Variants in INSYN2B observed in about 807,000 individuals in gnomAD.
INSYN2B encodes the protein protein INSYN2B.
Under a neutral mutation model 41.2 loss-of-function variants are expected in INSYN2B, and 16 were observed. The observed-to-expected ratio is 0.39, with a 90% CI of 0.26 to 0.59. INSYN2B has a LOEUF of 0.59. Among genes scored for constraint, INSYN2B ranks in the 20% least tolerant of loss-of-function variants. INSYN2B has a pLI of 0.57. For synonymous variants in INSYN2B, 245 were observed against 244.4 expected, an observed-to-expected ratio of 1.00 and a Z score of -0.02; for missense variants, 608 against 646.4, an observed-to-expected ratio of 0.94 and a Z score of 0.64.
At chr5:169,898,452 A>T (rs1252696894) in intron 1 of INSYN2B, among the ~76,000 whole-genome samples, 2 of 152,104 alleles carry the variant, frequency 1.3e-5, no homozygotes, top group Non-Finnish European at 2.9e-5. Flanking sequence ...AGGATGTTTC[A>T]ACTCTTTGAG....
At chr5:169,961,736 G>A (rs1371033719) in intron 1 of INSYN2B, among the ~76,000 whole-genome samples, 1 of 152,090 alleles carries the variant, frequency 6.6e-6, no homozygotes, top group Non-Finnish European at 1.5e-5. Flanking sequence ...CCAGCACTTT[G>A]GGAGGCCGAG....
At chr5:169,950,353 T>C (rs1216773717) in intron 1 of INSYN2B, among the ~76,000 whole-genome samples, 1 of 152,246 alleles carries the variant, frequency 6.6e-6, no homozygotes, top group Non-Finnish European at 1.5e-5. Context: ...AAGCGCTTAG[T>C]GTCTAGCATT....
rs1771312202 is a variant in INSYN2B at position 169,863,180 on chromosome 5, A to G, written c.*1093T>C. ...ATAACTCAGACTTTGGGATGGAAAG[A>G]TATTTAAACCTCAAATAGAAAAAAC... is the stretch of plus-strand genomic sequence containing the variant. On this transcript the variant is annotated 3_prime_UTR_variant, in exon 4 of 4. Transcript: ENST00000377365. Among the ~76,000 whole-genome samples the G allele has an allele frequency of 1.3e-5, 2 of 152,226 alleles. No individual in the cohort carries two copies. Among genetic ancestry groups the G allele is most frequent in the African/African-American group, 4.8e-5 (2 of 41,468 alleles).
At chr5:169,906,099 A>C (rs1774260205) in intron 1 of INSYN2B, among the ~76,000 whole-genome samples, 2 of 152,236 alleles carry the variant, frequency 1.3e-5, no homozygotes, top group East Asian at 3.8e-4. Context: ...ACTAAGAGTT[A>C]CCAAACGGTC....
At chr5:169,893,455 C>T (rs1581371798) in intron 1 of INSYN2B, among the ~76,000 whole-genome samples, 1 of 147,808 alleles carries the variant, frequency 6.8e-6, no homozygotes, top group Admixed American at 6.8e-5. Context: ...TTTTTCACTA[C>T]ATAACTGGGG....
At chr5:169,959,531 G>C (rs113346818) in intron 1 of INSYN2B, among the ~76,000 whole-genome samples, 12 of 152,282 alleles carry the variant, frequency 7.9e-5, no homozygotes, top group African/African-American at 2.9e-4. Flanking sequence ...AGTCCACAGG[G>C]TGATGGAATT....
At chr5:169,973,220 G>A (rs1374998847) in intron 1 of INSYN2B, among the ~76,000 whole-genome samples, 1 of 152,124 alleles carries the variant, frequency 6.6e-6, no homozygotes, top group Non-Finnish European at 1.5e-5. Flanking sequence ...AACAATAGAG[G>A]CTTTGTAAAG....
rs138654609 is a variant in INSYN2B at position 169,950,142 on chromosome 5, A to G, written c.-919+30135T>C. On this transcript the variant is annotated intron_variant, in intron 1 of 3. Coordinates refer to ENST00000377365, the MANE Select transcript of INSYN2B (RefSeq NM_001129891.3). The stretch of plus-strand genomic sequence containing the variant: ...TTTCTCTCCCTCTTTCTGTTCTACT[A>G]TCATGAGATGAGACAGGAGCCATCG... Among the ~76,000 whole-genome samples the G allele has an allele frequency of 4.1e-4, 63 of 152,250 alleles. 1 individual carries two copies. In the East Asian group the frequency reaches 0.012, roughly 28 times the overall value.
At chr5:169,900,610 G>A (rs1773870094) in intron 1 of INSYN2B, among the ~76,000 whole-genome samples, 1 of 152,174 alleles carries the variant, frequency 6.6e-6, no homozygotes, top group South Asian at 2.1e-4. Context: ...AATATTAAGA[G>A]TATTGACTCC....
chr5:169,882,984 A>T lies in INSYN2B; in HGVS notation c.915T>A (p.Ser305=). 3 of 1,551,562 alleles carry T rather than the reference A, an allele frequency of 1.9e-6. No individual in the cohort carries two copies. The highest frequency in any genetic ancestry group is 2.6e-6 in the Non-Finnish European group (3 of 1,146,864). Residue 305 remains serine (S), a synonymous_variant, in exon 2 of 4, where the codon TCT becomes TCA. Transcript: ENST00000377365. ...GTGAGGGGGAACTGTGAGTCCGTGG[A>T]GATGAAGGAACACACGTTTCCTTTG... is the stretch of plus-strand genomic sequence containing the variant. ...SQSKETCVPS[S]PRTHSSPSQG... is the part of the protein sequence containing the mutation.
At chr5:169,949,912 C>T (rs1463207219) in intron 1 of INSYN2B, among the ~76,000 whole-genome samples, 2 of 152,062 alleles carry the variant, frequency 1.3e-5, no homozygotes, top group Non-Finnish European at 2.9e-5. Flanking sequence ...AGTAACTCTT[C>T]TTTCTCGATT....
intron 3 of INSYN2B, among the ~76,000 whole-genome samples, chr5:169,873,909 G>A (rs1197548351): frequency 1.3e-5 from 2 of 152,124 alleles, no homozygotes. Context: ...CTCTTGCAGG[G>A]TGCACAGCTG....
chr5:169,939,026 C>T (rs1394082134), intron 1 of INSYN2B, among the ~76,000 whole-genome samples: 14 of 151,686 alleles, frequency 9.2e-5, no homozygotes, highest in Admixed American at 6.6e-4. Context: ...ACCTTAGCCT[C>T]GGGAGTAGCT....
At chr5:169,966,622 C>T (rs375246894) in intron 1 of INSYN2B, among the ~76,000 whole-genome samples, 207 of 152,230 alleles carry the variant, frequency 1.4e-3, no homozygotes, top group African/African-American at 4.6e-3. Flanking sequence ...GGCTCCATAC[C>T]CTTATTTTAC....
chr5:169,935,406 C>G (rs1164347660), intron 1 of INSYN2B, among the ~76,000 whole-genome samples: 1 of 152,194 alleles, frequency 6.6e-6, no homozygotes, highest in Non-Finnish European at 1.5e-5. Context: ...AGCTTTCTTT[C>G]TCTTCTTGTG....
chr5:169,978,384 T>TGGGGGGG (rs1777796721), intron 1 of INSYN2B, among the ~76,000 whole-genome samples: 1 of 20,388 alleles, frequency 4.9e-5, no homozygotes, highest in Non-Finnish European at 8.9e-5. Flanking sequence ...TATGTGTGTG[T>TGGGGGGG]GTGTGTGTGG....
chr5:169,938,943 G>A (rs763114742), intron 1 of INSYN2B, among the ~76,000 whole-genome samples: 8 of 137,368 alleles, frequency 5.8e-5, no homozygotes, highest in Non-Finnish European at 9.1e-5. Flanking sequence ...TTGCTCTGTC[G>A]CCCAGGCTGG....
intron 1 of INSYN2B, among the ~76,000 whole-genome samples, chr5:169,898,617 T>C (rs149247261): frequency 2.6e-5 from 4 of 152,180 alleles, no homozygotes; most frequent in African/African-American, 9.7e-5. Flanking sequence ...GCTCTTAACA[T>C]AGTGTCTATC....
chr5:169,939,538 T>C (rs1024431935), intron 1 of INSYN2B, among the ~76,000 whole-genome samples: 32 of 152,304 alleles, frequency 2.1e-4, no homozygotes, highest in African/African-American at 6.7e-4. Flanking sequence ...TTGTCAATTA[T>C]GTGCTGTATG....
Sources: gnomAD v4.1 joint callset for allele counts (sites outside exome capture counted in the v4.1 genomes callset) on GRCh38, gnomAD v4.1.1 for gene constraint, MANE v1.5 for transcripts, NCBI Gene and HGNC (gene_info 2026-07-23, HGNC 2026-07-21) for gene names.